Variants in MAGI1 observed in about 807,000 individuals in gnomAD.
MAGI1 encodes the protein membrane-associated guanylate kinase, WW and PDZ domain-containing protein 1.
A neutral mutation model predicts 139.9 loss-of-function variants in MAGI1; 58 were observed. That is an observed-to-expected ratio of 0.41 (90% CI 0.34 to 0.52). MAGI1 has a LOEUF of 0.52. Among genes scored for constraint, MAGI1 ranks in the 20% least tolerant of loss-of-function variants. MAGI1 has a pLI of 0.12. For synonymous variants in MAGI1, 812 were observed against 737.9 expected, an observed-to-expected ratio of 1.10 and a Z score of -1.63; for missense variants, 1,874 against 1,901.6, an observed-to-expected ratio of 0.99 and a Z score of 0.27.
At chr3:65,505,484 A>T (rs940587881) in intron 2 of MAGI1, among the ~76,000 whole-genome samples, 2 of 151,744 alleles carry the variant, frequency 1.3e-5, no homozygotes, top group African/African-American at 2.4e-5. Context: ...TCTCTAAAAA[A>T]ATTTTTTTAA....
intron 1 of MAGI1, among the ~76,000 whole-genome samples, chr3:65,900,880 T>G (rs1007876131): frequency 6.6e-6 from 1 of 152,152 alleles, no homozygotes; most frequent in African/African-American, 2.4e-5. Flanking sequence ...GATGAACCCT[T>G]GAGAGGAAGA....
chr3:66,001,747 C>G (rs906012547), intron 1 of MAGI1, among the ~76,000 whole-genome samples: 6 of 152,196 alleles, frequency 3.9e-5, no homozygotes, highest in African/African-American at 1.4e-4. Flanking sequence ...AACAATGTGT[C>G]TACCTAACAA....
At chr3:65,471,835 C>T (rs6802015) in intron 4 of MAGI1, among the ~76,000 whole-genome samples, 1 of 151,968 alleles carries the variant, frequency 6.6e-6, no homozygotes, top group Non-Finnish European at 1.5e-5. Context: ...CAGAGGTGGT[C>T]GCTTGAGGCT....
intron 16 of MAGI1, among the ~76,000 whole-genome samples, chr3:65,380,024 C>T (rs183823609): frequency 1.5e-4 from 23 of 152,296 alleles, no homozygotes; most frequent in Non-Finnish European, 2.6e-4. Flanking sequence ...TTCCATCAGG[C>T]GACAAACAGT....
intron 6 of MAGI1, among the ~76,000 whole-genome samples, chr3:65,449,698 CA>C (rs1207055067): frequency 3.3e-5 from 5 of 152,120 alleles, no homozygotes; most frequent in African/African-American, 1.2e-4. Flanking sequence ...ATCGCTTGAA[CA>C]GGGAGGCAAA....
chr3:65,575,367 A>G (rs1015311902), intron 2 of MAGI1, among the ~76,000 whole-genome samples: 1 of 152,114 alleles, frequency 6.6e-6, no homozygotes, highest in African/African-American at 2.4e-5. Flanking sequence ...AGTTAAAAAG[A>G]CTGACCAAAG....
chr3:65,555,732 C>T (rs1436680954), intron 2 of MAGI1, among the ~76,000 whole-genome samples: 1 of 152,130 alleles, frequency 6.6e-6, no homozygotes, highest in Non-Finnish European at 1.5e-5. Context: ...GTGATGCGTG[C>T]CTGTGGTCCC....
chr3:65,747,118 A>G (rs2035774980), intron 1 of MAGI1, among the ~76,000 whole-genome samples: 1 of 152,226 alleles, frequency 6.6e-6, no homozygotes, highest in Non-Finnish European at 1.5e-5. Context: ...CTGAGCAACA[A>G]AGTAAGACCG....
At chr3:65,482,410 G>C (rs972812293) in intron 3 of MAGI1, among the ~76,000 whole-genome samples, 3 of 152,212 alleles carry the variant, frequency 2.0e-5, no homozygotes, top group African/African-American at 7.2e-5. Context: ...AAGAGATCAT[G>C]TATGCAAAGT....
At chr3:65,403,798 T>G (rs1319001302) in intron 12 of MAGI1, among the ~76,000 whole-genome samples, 1 of 152,170 alleles carries the variant, frequency 6.6e-6, no homozygotes, top group Non-Finnish European at 1.5e-5. Context: ...ATAAAGGGCA[T>G]TTTTCATTCT....
chr3:65,507,135 A>C (rs888160180), intron 2 of MAGI1, among the ~76,000 whole-genome samples: 2 of 152,224 alleles, frequency 1.3e-5, no homozygotes, highest in African/African-American at 4.8e-5. Context: ...AGAAAGGTAC[A>C]CTATAGTACT....
At chr3:65,717,036 A>T (rs2032343458) in intron 1 of MAGI1, among the ~76,000 whole-genome samples, 3 of 152,228 alleles carry the variant, frequency 2.0e-5, no homozygotes, top group Admixed American at 2.0e-4. Flanking sequence ...GATATGATTA[A>T]GTAAAGGACC....
intron 13 of MAGI1, 64 bp downstream of exon 13, chr3:65,401,375 C>CCCCCCCCCCCCCCCCCCCA: frequency 1.6e-5 from 16 of 1,008,102 alleles, no homozygotes; most frequent in East Asian, 5.4e-5. Context: ...AGTACCCTCC[C>CCCCCCCCCCCCCCCCCCCA]ACCTCCAGCC....
intron 1 of MAGI1, among the ~76,000 whole-genome samples, chr3:65,944,722 C>T (rs1338359432): frequency 6.6e-6 from 1 of 152,070 alleles, no homozygotes; most frequent in Non-Finnish European, 1.5e-5. Context: ...ATGACCAGCT[C>T]ACCAAGGAAA....
chr3:65,514,594 C>T (rs1200768199), intron 2 of MAGI1, among the ~76,000 whole-genome samples: 13 of 137,458 alleles, frequency 9.5e-5, no homozygotes, highest in African/African-American at 3.6e-4. Flanking sequence ...AAATGCAAAT[C>T]AAAACCACAA....
chr3:65,912,380 A>C (rs1405520215), intron 1 of MAGI1, among the ~76,000 whole-genome samples: 1 of 152,200 alleles, frequency 6.6e-6, no homozygotes, highest in Non-Finnish European at 1.5e-5. Context: ...GGAAGAGCCC[A>C]GTCTGGGATT....
chr3:65,516,565 C>G (rs964093519), intron 2 of MAGI1, among the ~76,000 whole-genome samples: 6 of 152,116 alleles, frequency 3.9e-5, no homozygotes, highest in African/African-American at 1.4e-4. Flanking sequence ...ACTATCACCA[C>G]AACAGAGTTA....
At chr3:66,034,188 A>G (rs914492630) in intron 1 of MAGI1, among the ~76,000 whole-genome samples, 1 of 150,398 alleles carries the variant, frequency 6.6e-6, no homozygotes, top group Non-Finnish European at 1.5e-5. Context: ...AAGCTTCTGA[A>G]TTGGTAGAAC....
intron 2 of MAGI1, among the ~76,000 whole-genome samples, chr3:65,494,100 G>A (rs1200589297): frequency 6.6e-6 from 1 of 152,120 alleles, no homozygotes; most frequent in African/African-American, 2.4e-5. Flanking sequence ...GCCCTTTAAA[G>A]AAAATGACAC....
Sources: allele counts gnomAD v4.1 joint callset (sites outside exome capture counted in the v4.1 genomes callset), GRCh38; gene constraint gnomAD v4.1.1; transcripts MANE v1.5; gene names NCBI Gene and HGNC (gene_info 2026-07-23, HGNC 2026-07-21).